SLC4A8: variants seen among roughly 807,000 people sequenced by gnomAD.
SLC4A8 encodes the protein electroneutral sodium bicarbonate exchanger 1.
Under a neutral mutation model 125.0 loss-of-function variants are expected in SLC4A8, and 40 were observed. That is an observed-to-expected ratio of 0.32 (90% CI 0.25 to 0.42). The LOEUF (loss-of-function observed/expected upper bound fraction) is 0.42, where lower values mean the gene tolerates loss of function less well. Ranked by LOEUF, SLC4A8 falls within the 10% of genes least tolerant of loss-of-function variation. SLC4A8 has a pLI of 1.00. For synonymous variants in SLC4A8, 456 were observed against 476.0 expected (o/e 0.96, Z 0.55); for missense variants, 863 against 1,355.1 (o/e 0.64, Z 5.70).
At chr12:51,426,795 A>G (rs1394203352) in intron 1 of SLC4A8, among the ~76,000 whole-genome samples, 6 of 151,990 alleles carry the variant, frequency 3.9e-5, no homozygotes, top group Admixed American at 3.3e-4. Context: ...GGAAGTTGAC[A>G]TTTATCTGAG....
At position 51,482,281 on chromosome 12, in the gene SLC4A8, C is replaced by T. The variant is rs564736179; in HGVS notation, c.2173-3506C>T. 5.9e-5 allele frequency among the ~76,000 whole-genome samples: 9 copies of T among 151,838 alleles called. No homozygotes were observed. The South Asian group carries it at 1.0e-3, about 18-fold the overall frequency. On this transcript the variant is annotated intron_variant, in intron 16 of 24. Coordinates refer to ENST00000453097, the MANE Select transcript of SLC4A8 (RefSeq NM_001039960.3). The stretch of plus-strand genomic sequence containing the variant: ...TGAAATGACAATATTTTAGATATAT[C>T]GATTAAATAAAATAATAATTTGATA...
intron 16 of SLC4A8, among the ~76,000 whole-genome samples, chr12:51,485,351 T>C (rs1299433485): frequency 6.6e-6 from 1 of 152,038 alleles, no homozygotes; most frequent in Admixed American, 6.6e-5. Context: ...TAAGAAGTGA[T>C]CAGACTCGGG....
At chr12:51,404,018 A>G (rs1180623992) in intron 1 of SLC4A8, among the ~76,000 whole-genome samples, 4 of 152,220 alleles carry the variant, frequency 2.6e-5, no homozygotes, top group African/African-American at 9.6e-5. Flanking sequence ...GGCCTGGCAC[A>G]GTGATCTCTG....
chr12:51,430,924 C>G (rs1222224123), intron 1 of SLC4A8, among the ~76,000 whole-genome samples: 1 of 152,112 alleles, frequency 6.6e-6, no homozygotes, highest in Non-Finnish European at 1.5e-5. Flanking sequence ...AACAAAGTAC[C>G]ACATATTTGA....
intron 2 of SLC4A8, among the ~76,000 whole-genome samples, chr12:51,444,670 T>C (rs1383134254): frequency 6.6e-6 from 1 of 152,198 alleles, no homozygotes; most frequent in Non-Finnish European, 1.5e-5. Context: ...GTGAGAACAA[T>C]TGAACCATCG....
At chr12:51,466,322 T>C (rs1337109365) in intron 11 of SLC4A8, 2 of 152,180 alleles carry the variant, frequency 1.3e-5, no homozygotes, top group East Asian at 1.9e-4. Flanking sequence ...CTGTCCCTTA[T>C]TGGGGATGCC....
At chr12:51,405,903 A>G (rs756492598) in intron 1 of SLC4A8, among the ~76,000 whole-genome samples, 1 of 152,204 alleles carries the variant, frequency 6.6e-6, no homozygotes, top group Non-Finnish European at 1.5e-5. Flanking sequence ...TTTCAGAAAA[A>G]CAGAGCCATG....
intron 3 of SLC4A8, 105 bp downstream of exon 3, chr12:51,451,127 T>G (rs1436796166): frequency 5.0e-6 from 5 of 998,914 alleles, no homozygotes; most frequent in Non-Finnish European, 5.4e-6. Flanking sequence ...CTTGAGCCTT[T>G]TTGTAGGATT....
Position 51,494,935 on chromosome 12 carries a change from TTCCTTTCAGTTCTTTGATCG to T in SLC4A8, c.2770-7_2782del. The T allele has an allele frequency of 6.2e-7, 1 of 1,611,518 alleles. No homozygotes were observed. The highest frequency in any genetic ancestry group is 8.5e-7 in the Non-Finnish European group (1 of 1,177,964). On this transcript the variant is annotated splice_acceptor_variant and splice_polypyrimidine_tract_variant and coding_sequence_variant and intron_variant, in exon 21 of 25. Transcript: ENST00000453097. LOFTEE classifies it high-confidence loss of function. ...CCTCCTGAAAATAAATGCCAGTTCC[TTCCTTTCAGTTCTTTGATCG>T]TCTAAAGCTCTTTGGGATGCCCGCA...
intron 22 of SLC4A8, among the ~76,000 whole-genome samples, chr12:51,499,402 G>T (rs918413244): frequency 1.3e-5 from 2 of 151,630 alleles, no homozygotes; most frequent in Admixed American, 1.3e-4. Context: ...TTATTGTGTT[G>T]CTCTATGTCT....
rs1938231324 is a variant in SLC4A8, at chr12:51,507,707, T to C, written c.*269T>C. ...TCTTCTCCTCTTCCTTCTTTTTCTC[T>C]TTAGAACGGCCACCATTGAAGACCT... On this transcript the variant is annotated 3_prime_UTR_variant, in exon 25 of 25. Transcript: ENST00000453097. 7 of 334,618 alleles carry C rather than the reference T, an allele frequency of 2.1e-5. No individual in the cohort carries two copies. The highest frequency in any genetic ancestry group is 3.2e-5 in the Non-Finnish European group (6 of 184,622). 20.7% of individuals were successfully genotyped at this position (334,618 alleles called of 1,614,324 possible).
At chr12:51,425,823 A>G (rs1948951833) in intron 1 of SLC4A8, among the ~76,000 whole-genome samples, 1 of 152,224 alleles carries the variant, frequency 6.6e-6, no homozygotes, top group South Asian at 2.1e-4. Context: ...AGCTATTAAA[A>G]TGGGAATAGT....
At chr12:51,401,727 T>C (rs1285912232) in intron 1 of SLC4A8, among the ~76,000 whole-genome samples, 1 of 152,090 alleles carries the variant, frequency 6.6e-6, no homozygotes, top group African/African-American at 2.4e-5. Context: ...AAAACAGAAA[T>C]GCCTGTCCTC....
chr12:51,424,072 AAAAAC>A (rs1191685708), upstream of SLC4A8, among the ~76,000 whole-genome samples: 8,096 of 145,252 alleles, frequency 0.056, 414 homozygotes, highest in East Asian at 0.19. Context: ...ACAACAAAAA[AAAAAC>A]AAAAAAAACC....
upstream of SLC4A8, chr12:51,424,800 C>G (rs986298546): frequency 3.4e-6 from 2 of 591,756 alleles, no homozygotes; most frequent in Non-Finnish European, 5.9e-6. Flanking sequence ...GCTGCGCAGG[C>G]CTCTCGCTGA....
At chr12:51,424,341 A>T (rs1948888776), upstream of SLC4A8, 1 of 150,994 alleles carries the variant, frequency 6.6e-6, no homozygotes, top group African/African-American at 2.5e-5. Flanking sequence ...CTGACTTGAG[A>T]CTCAAGAAGA....
chr12:51,463,444 T>G (rs1950411417), intron 10 of SLC4A8, among the ~76,000 whole-genome samples, 170 bp from the exon 11 acceptor site: 2 of 151,894 alleles, frequency 1.3e-5, no homozygotes, highest in Non-Finnish European at 2.9e-5. Flanking sequence ...TGTGTGTGTG[T>G]GTGTGTTTCG....
chr12:51,506,086 T>G (rs1938156540), intron 24 of SLC4A8, among the ~76,000 whole-genome samples, 156 bp downstream of exon 24: 1 of 152,214 alleles, frequency 6.6e-6, no homozygotes. Flanking sequence ...CTATAAGCCT[T>G]AAAAAAGTAA....
chr12:51,480,351 A>G, intron 16 of SLC4A8: 1 of 1,176,542 alleles, frequency 8.5e-7, no homozygotes. Flanking sequence ...ATTTCCCTGG[A>G]ATAAAAGTCT....
Sources: gnomAD v4.1 joint callset for allele counts (sites outside exome capture counted in the v4.1 genomes callset) on GRCh38, gnomAD v4.1.1 for gene constraint, MANE v1.5 for transcripts, NCBI Gene and HGNC (gene_info 2026-07-23, HGNC 2026-07-21) for gene names.